RNF128: variants seen among roughly 807,000 people sequenced by gnomAD.
RNF128 encodes ring finger protein 128, also known as E3 ubiquitin-protein ligase RNF128.
In RNF128, 13 loss-of-function variants were observed where a neutral mutation model predicts 26.2. The observed-to-expected ratio is 0.50, with a 90% CI of 0.32 to 0.79. RNF128 has a LOEUF of 0.79. Ranked by LOEUF, RNF128 falls within the 30% of genes least tolerant of loss-of-function variation. The pLI is 0.03. For missense variants in RNF128, 315 were observed against 349.7 expected (o/e 0.90, Z 0.79); for synonymous variants, 149 against 142.5 (o/e 1.05, Z -0.32).
chrX:106,733,634 GAA>G (rs898937736), intron 1 of RNF128, among the ~76,000 whole-genome samples: 8 of 111,301 alleles, frequency 7.2e-5, no homozygotes, highest in African/African-American at 2.6e-4. Flanking sequence ...ATAAAATACA[GAA>G]AAAAATGAAA....
At chrX:106,751,301 C>G (rs747932465) in intron 1 of RNF128, among the ~76,000 whole-genome samples, 9 of 110,863 alleles carry the variant, frequency 8.1e-5, no homozygotes, top group Middle Eastern at 4.6e-3. Context: ...GATTGTGGGA[C>G]TTTGCATCAG....
intron 2 of RNF128, among the ~76,000 whole-genome samples, chrX:106,774,704 C>T (rs1451296109): frequency 1.8e-5 from 2 of 112,187 alleles, no homozygotes; most frequent in Non-Finnish European, 3.8e-5. Context: ...CTTACCTCCT[C>T]CTCCCTTCAG....
At chrX:106,772,679 T>C (rs1295016599) in intron 1 of RNF128, among the ~76,000 whole-genome samples, 1 of 111,192 alleles carries the variant, frequency 9.0e-6, no homozygotes, top group Non-Finnish European at 1.9e-5. Context: ...GTGTTTGTTG[T>C]ATATAATAGC....
At chrX:106,740,918 A>G (rs1298181981) in intron 1 of RNF128, among the ~76,000 whole-genome samples, 2 of 111,412 alleles carry the variant, frequency 1.8e-5, no homozygotes, top group African/African-American at 6.5e-5. Context: ...ACCTTTTCTT[A>G]TCAAATAGTC....
intron 1 of RNF128, among the ~76,000 whole-genome samples, chrX:106,762,021 T>G (rs1380570051): frequency 1.8e-5 from 2 of 110,578 alleles, no homozygotes; most frequent in Non-Finnish European, 3.8e-5. Context: ...ACAATGTGAT[T>G]GTAAATGTAA....
chrX:106,734,158 TGAGAG>T (rs1929549036), intron 1 of RNF128, among the ~76,000 whole-genome samples: 1 of 111,896 alleles, frequency 8.9e-6, no homozygotes, highest in East Asian at 2.8e-4. Context: ...GGTCATTGAC[TGAGAG>T]TTGGGGATTG....
Position 106,795,782 on chromosome X carries a change from T to TA in RNF128, c.*71dup. The TA allele has an allele frequency of 3.4e-6, 3 of 892,599 alleles. No homozygotes were observed. Among genetic ancestry groups the TA allele is most frequent in the Non-Finnish European group, 4.6e-6 (3 of 653,779 alleles). 73.6% of individuals were successfully genotyped at this position (892,599 alleles called of 1,213,427 possible). A position where few individuals can be genotyped will look rare whatever the true frequency, so the allele number is the denominator to read the frequency against. On this transcript the variant is annotated 3_prime_UTR_variant, in exon 7 of 7. Coordinates refer to ENST00000255499, the MANE Select transcript of RNF128 (RefSeq NM_194463.2). The stretch of plus-strand genomic sequence containing the variant: ...CTGCCAATCAGGGCCTAGTTTCTAT[T>TA]AATAAATTGGATAAATTTAATAAAA...
intron 1 of RNF128, among the ~76,000 whole-genome samples, chrX:106,704,254 T>C (rs1178033861): frequency 9.2e-6 from 1 of 108,605 alleles, no homozygotes; most frequent in Non-Finnish European, 1.9e-5. Context: ...GCTAATACGG[T>C]GAAACCCCGT....
At chrX:106,749,003 C>G (rs1362691870) in intron 1 of RNF128, among the ~76,000 whole-genome samples, 1 of 111,780 alleles carries the variant, frequency 8.9e-6, no homozygotes, top group African/African-American at 3.2e-5. Flanking sequence ...ATATGTACAA[C>G]TATGATACAT....
intron 1 of RNF128, among the ~76,000 whole-genome samples, chrX:106,744,321 T>C (rs181634676): frequency 1.3e-4 from 14 of 111,999 alleles, no homozygotes; most frequent in African/African-American, 4.2e-4. Context: ...GAAACAGCTA[T>C]GAAGATTCAG....
At chrX:106,709,734 CG>C (rs1229541886) in intron 1 of RNF128, among the ~76,000 whole-genome samples, 4 of 110,653 alleles carry the variant, frequency 3.6e-5, no homozygotes, top group Non-Finnish European at 5.7e-5. Context: ...TTAATAGAGA[CG>C]GGGTTTCTCC....
upstream of RNF128, among the ~76,000 whole-genome samples, chrX:106,722,039 G>A (rs1367003839): frequency 9.0e-6 from 1 of 111,507 alleles, no homozygotes; most frequent in Non-Finnish European, 1.9e-5. Context: ...CAGATATAAG[G>A]TGAAGTCTGG....
chrX:106,708,791 G>T (rs1017204846), intron 1 of RNF128, among the ~76,000 whole-genome samples: 2 of 111,795 alleles, frequency 1.8e-5, no homozygotes, highest in African/African-American at 6.5e-5. Context: ...CTACCTGACA[G>T]AAGTTTTCTT....
At chrX:106,708,191 G>A (rs1324664539) in intron 1 of RNF128, among the ~76,000 whole-genome samples, 1 of 111,618 alleles carries the variant, frequency 9.0e-6, no homozygotes, top group Non-Finnish European at 1.9e-5. Flanking sequence ...TTTAATCTCT[G>A]TCTGCTCTCC....
rs1929038897 is a variant in RNF128, at chrX:106,706,133, G to A, written c.406+11725G>A. Among the ~76,000 whole-genome samples the A allele has an allele frequency of 2.7e-5, 3 of 111,567 alleles. No individual in the cohort carries two copies. In the South Asian group the frequency reaches 1.1e-3, roughly 42 times the overall value. On this transcript the variant is annotated intron_variant, in intron 1 of 6. Transcript: ENST00000324342. Reference sequence around the variant, plus strand: ...GACCAAGGGATGAAGAGAAACCCTAGGGTATGAACCCCTGGGTTGCTATTA... The same window carrying A: ...GACCAAGGGATGAAGAGAAACCCTAAGGTATGAACCCCTGGGTTGCTATTA...
chrX:106,713,007 A>G (rs1359662628), intron 1 of RNF128, among the ~76,000 whole-genome samples: 1 of 105,524 alleles, frequency 9.5e-6, no homozygotes, highest in Middle Eastern at 5.0e-3. Flanking sequence ...CAGCCACCCC[A>G]GTAGCTGGGA....
At chrX:106,737,873 G>A (rs906184783) in intron 1 of RNF128, among the ~76,000 whole-genome samples, 2 of 112,080 alleles carry the variant, frequency 1.8e-5, no homozygotes, top group African/African-American at 6.5e-5. Flanking sequence ...AAGAAAGACT[G>A]AAACTGGATG....
chrX:106,726,717 CTG>C lies in RNF128; in HGVS notation c.-196_-195del. The C allele has an allele frequency of 9.6e-7, 1 of 1,038,822 alleles. No individual in the cohort carries two copies. The highest frequency in any genetic ancestry group is 4.7e-5 in the Admixed American group (1 of 21,234). The allele number at this position is 1,038,822 out of a possible 1,213,427, so 85.6% of individuals were successfully genotyped here. On this transcript the variant is annotated 5_prime_UTR_variant, in exon 1 of 7. Transcript: ENST00000255499. ...GCGGCAGCCGCGGTAGCGGAGAAGA[CTG>C]GAGCTCCGAGGAGCTGCATCTGCGG... is the stretch of plus-strand genomic sequence containing the variant.
chrX:106,737,582 G>C (rs1304016265), intron 1 of RNF128, among the ~76,000 whole-genome samples: 8 of 111,880 alleles, frequency 7.2e-5, no homozygotes, highest in Non-Finnish European at 1.5e-4. Context: ...TACATGTTCA[G>C]TACAGGCACT....
Sources: gnomAD v4.1 joint callset for allele counts (sites outside exome capture counted in the v4.1 genomes callset) on GRCh38, gnomAD v4.1.1 for gene constraint, MANE v1.5 for transcripts, NCBI Gene and HGNC (gene_info 2026-07-23, HGNC 2026-07-21) for gene names.